Variants in GRB14 observed in about 807,000 individuals in gnomAD.
GRB14 encodes growth factor receptor bound protein 14, also known as growth factor receptor-bound protein 14.
Under a neutral mutation model 69.1 loss-of-function variants are expected in GRB14, and 38 were observed. The observed-to-expected ratio is 0.55, with a 90% CI of 0.42 to 0.72. GRB14 has a LOEUF of 0.72. Among genes scored for constraint, GRB14 ranks in the 30% least tolerant of loss-of-function variants. The pLI, the probability that GRB14 is intolerant of heterozygous loss-of-function variation, is 0.00. For missense variants in GRB14, 666 were observed against 666.1 expected, an observed-to-expected ratio of 1.00 and a Z score of 0.00; for synonymous variants, 247 against 241.3, an observed-to-expected ratio of 1.02 and a Z score of -0.22.
chr2:164,599,058 G>T (rs1236064287), intron 2 of GRB14, among the ~76,000 whole-genome samples: 3 of 152,342 alleles, frequency 2.0e-5, no homozygotes, highest in Non-Finnish European at 4.4e-5. Flanking sequence ...CGCAGCTGGT[G>T]TAGGAGCTAG....
chr2:164,597,002 T>A (rs1689800404), intron 2 of GRB14, among the ~76,000 whole-genome samples: 1 of 152,206 alleles, frequency 6.6e-6, no homozygotes. Flanking sequence ...AACGGAAGGA[T>A]TAAATGTCAG....
At chr2:164,521,429 T>G (rs1476062955) in intron 6 of GRB14, among the ~76,000 whole-genome samples, 2 of 152,082 alleles carry the variant, frequency 1.3e-5, no homozygotes, top group Admixed American at 1.3e-4. Flanking sequence ...TGCCTGTTGA[T>G]GCGTGCACCA....
intron 9 of GRB14, 82 bp downstream of exon 9, chr2:164,502,173 T>C: frequency 1.5e-6 from 1 of 659,844 alleles, no homozygotes; most frequent in Non-Finnish European, 2.8e-6. Flanking sequence ...TAAATTATTA[T>C]AAGATACTGT....
chr2:164,545,750 T>G (rs1688357662), intron 3 of GRB14, among the ~76,000 whole-genome samples: 1 of 152,226 alleles, frequency 6.6e-6, no homozygotes, highest in Non-Finnish European at 1.5e-5. Context: ...TCTTATCTAC[T>G]TATATGTAAA....
intron 2 of GRB14, among the ~76,000 whole-genome samples, chr2:164,596,170 C>G (rs560865326): frequency 6.6e-6 from 1 of 152,082 alleles, no homozygotes; most frequent in Non-Finnish European, 1.5e-5. Flanking sequence ...TGTACTTAAA[C>G]GTGAACCCCC....
At chr2:164,618,392 T>C (rs1439066504) in intron 2 of GRB14, among the ~76,000 whole-genome samples, 1 of 152,174 alleles carries the variant, frequency 6.6e-6, no homozygotes, top group Non-Finnish European at 1.5e-5. Flanking sequence ...AGGGCTGTTT[T>C]TTCCTTGGGA....
At chr2:164,582,563 G>A (rs1689438605) in intron 2 of GRB14, among the ~76,000 whole-genome samples, 1 of 152,018 alleles carries the variant, frequency 6.6e-6, no homozygotes, top group Admixed American at 6.6e-5. Context: ...TGGGATTACA[G>A]TCACCCGCCA....
At chr2:164,571,576 T>A (rs1198952644) in intron 2 of GRB14, among the ~76,000 whole-genome samples, 1 of 152,094 alleles carries the variant, frequency 6.6e-6, no homozygotes, top group Non-Finnish European at 1.5e-5. Flanking sequence ...ATATTTCAAT[T>A]AGGAAAAATA....
intron 8 of GRB14, among the ~76,000 whole-genome samples, chr2:164,507,482 C>A (rs1404521300): frequency 6.6e-6 from 1 of 152,026 alleles, no homozygotes; most frequent in East Asian, 1.9e-4. Context: ...TTATATATAT[C>A]TAATACACAT....
intron 2 of GRB14, among the ~76,000 whole-genome samples, chr2:164,556,915 C>A (rs1688692053): frequency 6.7e-6 from 1 of 148,822 alleles, no homozygotes; most frequent in Non-Finnish European, 1.5e-5. Context: ...CATGTACACC[C>A]CTGTATGAGA....
intron 9 of GRB14, among the ~76,000 whole-genome samples, chr2:164,498,425 G>A (rs1412625816): frequency 6.6e-6 from 1 of 151,806 alleles, no homozygotes; most frequent in Non-Finnish European, 1.5e-5. Flanking sequence ...TAACAAATAT[G>A]CCACCCCACA....
chr2:164,556,401 T>TG (rs1337813984), intron 2 of GRB14, among the ~76,000 whole-genome samples: 1 of 152,208 alleles, frequency 6.6e-6, no homozygotes, highest in African/African-American at 2.4e-5. Context: ...GAACAGTACA[T>TG]GTTAAATTAG....
At chr2:164,588,153 C>A (rs1689579844) in intron 2 of GRB14, among the ~76,000 whole-genome samples, 1 of 152,134 alleles carries the variant, frequency 6.6e-6, no homozygotes, top group South Asian at 2.1e-4. Flanking sequence ...AGGATTTAAA[C>A]CTAGAACTCC....
intron 2 of GRB14, among the ~76,000 whole-genome samples, chr2:164,570,911 G>C (rs1689109381): frequency 6.6e-6 from 1 of 152,156 alleles, no homozygotes; most frequent in Admixed American, 6.5e-5. Flanking sequence ...CATCCCTTCA[G>C]AACACTGGAA....
rs1475928690 is a variant in GRB14 at position 164,492,567 on chromosome 2, A to T, written c.*469T>A. Among the ~76,000 whole-genome samples, 1 of 151,768 alleles carries T rather than the reference A, an allele frequency of 6.6e-6. No homozygotes were observed. The highest frequency in any genetic ancestry group is 1.5e-5 in the Non-Finnish European group (1 of 67,860). On this transcript the variant is annotated 3_prime_UTR_variant, in exon 14 of 14. Coordinates refer to ENST00000263915, the MANE Select transcript of GRB14 (RefSeq NM_004490.3). ...AAATATATAATTCAAAATAGTTTTT[A>T]GTTTCATTAACAGGTTGTGGATAGT...
At chr2:164,610,911 C>A (rs867100590) in intron 2 of GRB14, among the ~76,000 whole-genome samples, 225 of 126,550 alleles carry the variant, frequency 1.8e-3, no homozygotes, top group Middle Eastern at 4.3e-3. Flanking sequence ...TTAGGCTGGT[C>A]AAAAAAAAAA....
intron 2 of GRB14, among the ~76,000 whole-genome samples, chr2:164,600,597 A>G (rs1260045193): frequency 6.6e-6 from 1 of 152,170 alleles, no homozygotes; most frequent in South Asian, 2.1e-4. Context: ...CTATGGAAAT[A>G]GAGTGTCCAA....
intron 5 of GRB14, among the ~76,000 whole-genome samples, chr2:164,524,253 CA>C (rs1414822269): frequency 6.6e-6 from 1 of 151,894 alleles, no homozygotes; most frequent in Non-Finnish European, 1.5e-5. Flanking sequence ...AAACGGCAAC[CA>C]TTATAAAGAC....
chr2:164,494,494 G>A lies in GRB14; in HGVS notation c.1413C>T (p.Asn471=). The part of the protein sequence containing the change: ...GVFLVRDSQS[N]PKTFVLSMSH... Reference sequence around the variant, plus strand: ...TCATTGACAGTACGAAAGTTTTGGGGTTACTCTGACTATCCCGTACCAAGA... The same window carrying A: ...TCATTGACAGTACGAAAGTTTTGGGATTACTCTGACTATCCCGTACCAAGA... Residue 471 remains asparagine (N), a synonymous_variant, in exon 13 of 14, where the codon AAC becomes AAT. Transcript: ENST00000263915. 6.3e-7 allele frequency: 1 copy of A among 1,599,076 alleles called. No homozygotes were observed. Among genetic ancestry groups the A allele is most frequent in the Non-Finnish European group, 8.6e-7 (1 of 1,166,496 alleles).
Sources: gnomAD v4.1 joint callset for allele counts (sites outside exome capture counted in the v4.1 genomes callset) on GRCh38, gnomAD v4.1.1 for gene constraint, MANE v1.5 for transcripts, NCBI Gene and HGNC (gene_info 2026-07-23, HGNC 2026-07-21) for gene names.